LOC112267897: variants seen among roughly 807,000 people sequenced by gnomAD.
chr13:63,747,018 G>T, the LOC112267897 span: 5 of 1,566,822 alleles, frequency 3.2e-6, no homozygotes, highest in Non-Finnish European at 4.4e-6. Flanking sequence ...TGTGGCTATG[G>T]CTCTGGCTAC....
At chr13:63,747,772 A>T in the LOC112267897 span, 53 of 126,050 alleles carry the variant, frequency 4.2e-4, 1 homozygote, top group Non-Finnish European at 6.2e-4. Flanking sequence ...GTACTGTTTT[A>T]TTATTATTAT....
the LOC112267897 span, chr13:63,746,746 C>G: frequency 1.5e-6 from 2 of 1,321,936 alleles, no homozygotes; most frequent in Non-Finnish European, 2.1e-6. Flanking sequence ...TAGAAGACGT[C>G]CACACCTCAG....
At chr13:63,746,984 T>G in the LOC112267897 span, 1 of 1,450,234 alleles carries the variant, frequency 6.9e-7, no homozygotes, top group Non-Finnish European at 9.7e-7. Flanking sequence ...CAGCTATGGC[T>G]GTGGCTATGG....
the LOC112267897 span, chr13:63,746,925 G>A: frequency 4.1e-6 from 6 of 1,446,792 alleles, 1 homozygote; most frequent in South Asian, 1.1e-5. Flanking sequence ...GGCTACAGCT[G>A]TGGCTATGGC....
the LOC112267897 span, chr13:63,747,076 C>CGGCTGTGGGTAT: frequency 4.4e-6 from 7 of 1,605,054 alleles, no homozygotes; most frequent in Non-Finnish European, 6.0e-6. Flanking sequence ...GAACTGGCTT[C>CGGCTGTGGGTAT]GGCTGTGGGT....
the LOC112267897 span, chr13:63,747,141 A>G: frequency 6.3e-7 from 1 of 1,591,492 alleles, no homozygotes. Flanking sequence ...GGCTCTGGCT[A>G]CTGTGGCTAC....
the LOC112267897 span, chr13:63,747,268 A>G: frequency 1.1e-6 from 1 of 943,760 alleles, no homozygotes; most frequent in Non-Finnish European, 1.6e-6. Context: ...TCATACTCCA[A>G]GATTTCTATA....
the LOC112267897 span, chr13:63,747,732 A>G: frequency 3.8e-5 from 5 of 130,890 alleles, no homozygotes; most frequent in African/African-American, 2.3e-4. Flanking sequence ...CAGCCCTGTA[A>G]GTGCCATTCG....
the LOC112267897 span, chr13:63,746,937 G>C: frequency 0.015 from 21,527 of 1,408,206 alleles, 637 homozygotes; most frequent in Admixed American, 0.065. Context: ...GGCTATGGCT[G>C]TGGCTATGGC....
the LOC112267897 span, chr13:63,747,192 A>C: frequency 5.2e-5 from 79 of 1,531,486 alleles, no homozygotes; most frequent in Non-Finnish European, 6.9e-5. Flanking sequence ...TCCTGCTAAA[A>C]CATCACTGTC....
At chr13:63,747,054 G>A in the LOC112267897 span, 2 of 1,602,642 alleles carry the variant, frequency 1.2e-6, no homozygotes, top group Non-Finnish European at 1.7e-6. Context: ...TCTGGCTCTG[G>A]CTGTGGCTAT....
the LOC112267897 span, chr13:63,747,122 T>C: frequency 1.2e-6 from 2 of 1,600,700 alleles, no homozygotes; most frequent in Non-Finnish European, 1.7e-6. Context: ...TGGCTGTGGA[T>C]GTGGCTCTGG....
the LOC112267897 span, chr13:63,747,247 G>A: frequency 1.8e-6 from 2 of 1,118,112 alleles, no homozygotes; most frequent in South Asian, 2.5e-5. Flanking sequence ...AGATAATACT[G>A]ATTCAAGGAT....
chr13:63,747,354 T>C, the LOC112267897 span: 2 of 505,628 alleles, frequency 4.0e-6, no homozygotes, highest in South Asian at 2.1e-5. Flanking sequence ...GGCCATAGGA[T>C]CCACGGTGTC....
chr13:63,747,352 G>T, the LOC112267897 span: 1 of 508,842 alleles, frequency 2.0e-6, no homozygotes, highest in South Asian at 2.1e-5. Context: ...ATGGCCATAG[G>T]ATCCACGGTG....
chr13:63,747,305 C>G, the LOC112267897 span: 1 of 673,116 alleles, frequency 1.5e-6, no homozygotes, highest in Non-Finnish European at 2.4e-6. Flanking sequence ...TTGACAGAGT[C>G]TTGGACCTCT....
chr13:63,747,766 T>A, the LOC112267897 span: 1 of 129,712 alleles, frequency 7.7e-6, no homozygotes, highest in Non-Finnish European at 1.5e-5. Context: ...ATATAGGTAC[T>A]GTTTTATTAT....
the LOC112267897 span, chr13:63,746,904 G>T: frequency 4.1e-6 from 6 of 1,455,300 alleles, no homozygotes; most frequent in Non-Finnish European, 5.8e-6. Context: ...TATGGCTGTG[G>T]CTATGGAACT....
chr13:63,747,209 C>A, the LOC112267897 span: 7 of 1,457,316 alleles, frequency 4.8e-6, 1 homozygote, highest in African/African-American at 6.4e-5. Context: ...TGTCAGAGGA[C>A]AATTTGCTTC....
Sources: allele counts gnomAD v4.1 joint callset, GRCh38; gene constraint gnomAD v4.1.1; transcripts MANE v1.5.